NAV3: variants seen among roughly 807,000 people sequenced by gnomAD.
The protein encoded by NAV3 is pore membrane and/or filament interacting like protein 1.
NAV3 carries 87 observed loss-of-function variants against 244.7 expected under a neutral mutation model. The ratio of observed to expected loss-of-function variants is 0.36; its 90% CI spans 0.30 to 0.42. The LOEUF is 0.42. NAV3 is among the 20% of genes least tolerant of loss of function. NAV3 has a pLI of 1.00. For missense variants in NAV3, 2,663 were observed against 2,893.3 expected, an observed-to-expected ratio of 0.92 and a Z score of 1.83; for synonymous variants, 1,126 against 1,042.2, an observed-to-expected ratio of 1.08 and a Z score of -1.55.
intron 16 of NAV3, among the ~76,000 whole-genome samples, chr12:78,126,112 G>C (rs1955895039): frequency 6.6e-6 from 1 of 152,140 alleles, no homozygotes; most frequent in South Asian, 2.1e-4. Flanking sequence ...CCTCTACACA[G>C]TATAAGCAAT....
intron 1 of NAV3, among the ~76,000 whole-genome samples, chr12:77,913,956 T>C (rs1279366610): frequency 7.0e-6 from 1 of 142,674 alleles, no homozygotes; most frequent in Non-Finnish European, 1.5e-5. Flanking sequence ...TATAGTTTCA[T>C]TGAATGTTGA....
chr12:77,891,562 C>A (rs1388310121), intron 1 of NAV3, among the ~76,000 whole-genome samples: 1 of 152,014 alleles, frequency 6.6e-6, no homozygotes. Context: ...ACGTTCCAGT[C>A]CTATTATTTA....
chr12:78,112,545 A>C (rs1955152146), intron 12 of NAV3, among the ~76,000 whole-genome samples: 1 of 152,154 alleles, frequency 6.6e-6, no homozygotes, highest in African/African-American at 2.4e-5. Context: ...GATAATGAGT[A>C]AAAGGGGGAA....
chr12:78,078,375 C>CTTTTTTTT lies in NAV3; in HGVS notation c.2636+19291_2636+19298dup, dbSNP rs71088356. 5.9e-5 allele frequency among the ~76,000 whole-genome samples: 4 copies of CTTTTTTTT among 67,844 alleles called. 1 individual carries two copies. Among genetic ancestry groups the CTTTTTTTT allele is most frequent in the African/African-American group, 2.4e-4 (4 of 16,564 alleles). The allele number at this position is 67,844 out of a possible 152,430, so 44.5% of individuals were successfully genotyped here. A position where few individuals can be genotyped will look rare whatever the true frequency, so the allele number is the denominator to read the frequency against. On this transcript the variant is annotated intron_variant, in intron 12 of 39. Transcript: ENST00000397909. ...AGAGTTGCATTTCACTCTTTCCACT[C>CTTTTTTTT]TTTTTTTTTTTTTTTTTTTTTTTTT...
intron 2 of NAV3, among the ~76,000 whole-genome samples, chr12:77,606,550 C>T (rs1168307857): frequency 6.6e-6 from 1 of 152,092 alleles, no homozygotes; most frequent in African/African-American, 2.4e-5. Flanking sequence ...CACTCTGCTG[C>T]AGTCCTAGAA....
intron 31 of NAV3, among the ~76,000 whole-genome samples, chr12:78,187,054 G>A (rs1049451976): frequency 6.6e-6 from 1 of 151,818 alleles, no homozygotes; most frequent in African/African-American, 2.4e-5. Flanking sequence ...CATCAATTTG[G>A]AAGTTAGGGC....
intron 19 of NAV3, among the ~76,000 whole-genome samples, chr12:78,139,426 G>A (rs1039041464): frequency 1.3e-5 from 2 of 151,900 alleles, no homozygotes; most frequent in South Asian, 2.1e-4. Flanking sequence ...TGAGCTTTTG[G>A]GATTTTATCT....
At chr12:77,818,572 G>A (rs1032261214) in intron 2 of NAV3, among the ~76,000 whole-genome samples, 13 of 152,068 alleles carry the variant, frequency 8.5e-5, no homozygotes, top group African/African-American at 3.1e-4. Context: ...GCAGGGATGA[G>A]GGGTATGTGA....
At chr12:77,794,665 A>G (rs973536383) in intron 2 of NAV3, among the ~76,000 whole-genome samples, 6 of 152,300 alleles carry the variant, frequency 3.9e-5, no homozygotes, top group Admixed American at 2.0e-4. Flanking sequence ...CAGCAAATCT[A>G]TGGGTGCCAT....
intron 12 of NAV3, among the ~76,000 whole-genome samples, chr12:78,059,630 G>A (rs1043061961): frequency 6.6e-5 from 10 of 151,988 alleles, no homozygotes; most frequent in African/African-American, 2.4e-4. Context: ...TCTTTACAAG[G>A]CCATTTTAGC....
At chr12:78,007,576 G>A (rs1874463695) in intron 8 of NAV3, 131 bp downstream of exon 8, 1 of 995,578 alleles carries the variant, frequency 1.0e-6, no homozygotes, top group Non-Finnish European at 1.4e-6. Flanking sequence ...GCTAAAGATA[G>A]AGGCCTAGAA....
intron 34 of NAV3, among the ~76,000 whole-genome samples, chr12:78,190,614 A>T (rs1958932550): frequency 6.6e-6 from 1 of 152,068 alleles, no homozygotes; most frequent in Non-Finnish European, 1.5e-5. Context: ...ATCTTAATAG[A>T]TAAGTAGGAA....
intron 2 of NAV3, among the ~76,000 whole-genome samples, chr12:77,706,969 C>G (rs896113462): frequency 6.6e-6 from 1 of 151,426 alleles, no homozygotes; most frequent in African/African-American, 2.4e-5. Flanking sequence ...GCATATTTCA[C>G]CTGCTTGGGC....
intron 28 of NAV3, among the ~76,000 whole-genome samples, chr12:78,178,305 G>T (rs773264286): frequency 6.6e-6 from 1 of 151,394 alleles, no homozygotes; most frequent in African/African-American, 2.4e-5. Flanking sequence ...GTTTACAGGC[G>T]TGCACCACCA....
At chr12:77,791,661 T>C (rs1565815478) in intron 2 of NAV3, among the ~76,000 whole-genome samples, 1 of 152,204 alleles carries the variant, frequency 6.6e-6, no homozygotes, top group Non-Finnish European at 1.5e-5. Flanking sequence ...TGGCAGGGCC[T>C]AACACTCCTT....
chr12:77,885,976 A>G (rs1883235703), intron 1 of NAV3, among the ~76,000 whole-genome samples: 1 of 152,240 alleles, frequency 6.6e-6, no homozygotes, highest in East Asian at 1.9e-4. Context: ...CTATTTATTT[A>G]AGCCAAACAA....
intron 5 of NAV3, among the ~76,000 whole-genome samples, chr12:77,984,758 A>G (rs796241922): frequency 4.3e-4 from 65 of 152,230 alleles, no homozygotes; most frequent in African/African-American, 1.4e-3. Context: ...CATCTGCAAA[A>G]TGCTTTTGTT....
At chr12:77,655,247 A>C (rs1369364112) in intron 2 of NAV3, among the ~76,000 whole-genome samples, 1 of 152,214 alleles carries the variant, frequency 6.6e-6, no homozygotes, top group Non-Finnish European at 1.5e-5. Context: ...TAACCAATAC[A>C]GAGAAGTGCT....
intron 19 of NAV3, among the ~76,000 whole-genome samples, chr12:78,139,097 T>TC (rs1956497285): frequency 1.5e-5 from 1 of 67,652 alleles, no homozygotes; most frequent in African/African-American, 5.0e-5. Flanking sequence ...ATAGAAAGAA[T>TC]TTTTTTTTAA....
Sources: gnomAD v4.1 joint callset for allele counts (sites outside exome capture counted in the v4.1 genomes callset) on GRCh38, gnomAD v4.1.1 for gene constraint, MANE v1.5 for transcripts, NCBI Gene and HGNC (gene_info 2026-07-23, HGNC 2026-07-21) for gene names.